The following CYB5B variants were observed in gnomAD, a reference collection of about 807,000 sequenced individuals.
CYB5B encodes cytochrome b5 type B.
In CYB5B, 14 loss-of-function variants were observed where a neutral mutation model predicts 21.3. The ratio of observed to expected loss-of-function variants is 0.66; its 90% confidence interval spans 0.43 to 1.03. CYB5B has a LOEUF of 1.03. CYB5B is among the 50% of genes least tolerant of loss of function. The pLI is 0.00. For missense variants in CYB5B, 166 were observed against 185.1 expected, an observed-to-expected ratio of 0.90 and a Z score of 0.60; for synonymous variants, 69 against 68.4, an observed-to-expected ratio of 1.01 and a Z score of -0.04.
At chr16:69,459,442 T>G (rs1247152316) in intron 4 of CYB5B, 1 of 246,126 alleles carries the variant, frequency 4.1e-6, no homozygotes, top group Admixed American at 5.4e-5. Flanking sequence ...GTCCCGAAGT[T>G]CAACCCAGCT....
In CYB5B at chr16:69,447,197, A is replaced by C. The variant is rs184627050; in HGVS notation, c.222A>C (p.Ala74=). 11 of 1,613,164 alleles carry C rather than the reference A, an allele frequency of 6.8e-6. No homozygotes were observed. Among genetic ancestry groups the C allele is most frequent in the Non-Finnish European group, 9.3e-6 (11 of 1,179,648 alleles). ...EVLLEQAGVD[A]SESFEDVGHS... Reference sequence around the variant, plus strand: ...TGCTGGAACAAGCTGGTGTAGATGCAAGTGAAAGCTTTGAAGATGTAGGAC... The same window carrying C: ...TGCTGGAACAAGCTGGTGTAGATGCCAGTGAAAGCTTTGAAGATGTAGGAC... Residue 74 remains alanine (A), a synonymous_variant, in exon 2 of 5, where the codon GCA becomes GCC. Transcript: ENST00000307892.
intron 1 of CYB5B, among the ~76,000 whole-genome samples, chr16:69,432,569 A>G (rs970587764): frequency 3.9e-5 from 6 of 152,352 alleles, no homozygotes; most frequent in East Asian, 1.9e-4. Flanking sequence ...GTACAAATAT[A>G]TACAGAAATA....
In CYB5B at chr16:69,466,019, C is replaced by T. The variant is rs2015086124; in HGVS notation, c.*3499C>T. Reference sequence around the variant, plus strand: ...TGAGCTTCAGTAGCTGCTCTTTGCCCACGCTTGTATCCTACGTTTGCTATT... The same window carrying T: ...TGAGCTTCAGTAGCTGCTCTTTGCCTACGCTTGTATCCTACGTTTGCTATT... On this transcript the variant is annotated 3_prime_UTR_variant, in exon 5 of 5. Transcript: ENST00000307892. 1.3e-5 allele frequency: 2 copies of T among 152,590 alleles called. No individual in the cohort carries two copies. Among genetic ancestry groups the T allele is most frequent in the Admixed American group, 6.5e-5 (1 of 15,288 alleles). The allele number at this position is 152,590 out of a possible 1,614,324, so 9.5% of individuals were successfully genotyped here.
chr16:69,448,485 T>A (rs1486127562), intron 3 of CYB5B: 1 of 229,058 alleles, frequency 4.4e-6, no homozygotes, highest in Non-Finnish European at 8.4e-6. Flanking sequence ...TGATAATAAT[T>A]GTTTCTGTGT....
At chr16:69,453,310 TAC>T (rs1371980332) in intron 3 of CYB5B, among the ~76,000 whole-genome samples, 1 of 152,222 alleles carries the variant, frequency 6.6e-6, no homozygotes, top group Non-Finnish European at 1.5e-5. Context: ...TTATGTAACA[TAC>T]AGTTTACTTC....
intron 3 of CYB5B, among the ~76,000 whole-genome samples, chr16:69,455,238 C>T (rs1015289754): frequency 6.6e-6 from 1 of 152,018 alleles, no homozygotes. Flanking sequence ...CTGGTTCATT[C>T]TTTCCTACAT....
chr16:69,458,740 A>G (rs925819177), intron 3 of CYB5B, among the ~76,000 whole-genome samples: 7 of 152,202 alleles, frequency 4.6e-5, no homozygotes, highest in African/African-American at 1.7e-4. Context: ...AGCTATTGCC[A>G]GTGGCAAGCC....
intron 1 of CYB5B, among the ~76,000 whole-genome samples, chr16:69,434,382 C>T (rs550720584): frequency 5.3e-5 from 8 of 152,280 alleles, no homozygotes; most frequent in Middle Eastern, 6.8e-3. Flanking sequence ...GGGCAAATAC[C>T]TAGTAGTAAA....
At chr16:69,449,165 T>G (rs1030184723) in intron 3 of CYB5B, 1 of 152,292 alleles carries the variant, frequency 6.6e-6, no homozygotes, top group Non-Finnish European at 1.5e-5. Context: ...CTGTTGGTTG[T>G]TTGTCCTCTC....
At chr16:69,452,997 C>CAAAAAA (rs71385608) in intron 3 of CYB5B, among the ~76,000 whole-genome samples, 17 of 133,278 alleles carry the variant, frequency 1.3e-4, no homozygotes, top group Non-Finnish European at 4.8e-5. Flanking sequence ...GACTCTGTCT[C>CAAAAAA]AAAAAAAAAA....
At chr16:69,453,225 G>A (rs1466016690) in intron 3 of CYB5B, among the ~76,000 whole-genome samples, 1 of 151,764 alleles carries the variant, frequency 6.6e-6, no homozygotes, top group Non-Finnish European at 1.5e-5. Context: ...TCTATTAATT[G>A]CATTTAAAGT....
At chr16:69,439,873 ATTTGTTTGT>A (rs1207524938) in intron 1 of CYB5B, among the ~76,000 whole-genome samples, 1 of 151,180 alleles carries the variant, frequency 6.6e-6, no homozygotes, top group Non-Finnish European at 1.5e-5. Context: ...CATCTTAAAC[ATTTGTTTGT>A]TTTAAAGACA....
chr16:69,459,305 C>T (rs1317437505), intron 4 of CYB5B, 184 bp downstream of exon 4: 4 of 726,342 alleles, frequency 5.5e-6, no homozygotes, highest in African/African-American at 1.8e-5. Flanking sequence ...CAGTTTCAGC[C>T]ATTTTGAATA....
At chr16:69,459,004 A>G in intron 3 of CYB5B, 89 bp from the exon 4 acceptor site, 4 of 1,260,248 alleles carry the variant, frequency 3.2e-6, no homozygotes, top group Non-Finnish European at 4.4e-6. Context: ...CAGGGTTGAC[A>G]TAGCTTGATC....
rs1478637146 is a variant in CYB5B at position 69,466,079 on chromosome 16, T to C, written c.*3559T>C. 1 of 117,286 alleles carries C rather than the reference T, an allele frequency of 8.5e-6. No individual in the cohort carries two copies. Among genetic ancestry groups the C allele is most frequent in the Admixed American group, 7.7e-5 (1 of 12,950 alleles). 7.3% of individuals were successfully genotyped at this position (117,286 alleles called of 1,614,324 possible). On this transcript the variant is annotated 3_prime_UTR_variant, in exon 5 of 5. Coordinates refer to ENST00000307892, the MANE Select transcript of CYB5B (RefSeq NM_030579.3). The stretch of plus-strand genomic sequence containing the variant: ...CATTACTTCAGTTATTTAACTTCCC[T>C]TTTTTTTTAACTTCACCTTTGACTA...
intron 1 of CYB5B, among the ~76,000 whole-genome samples, chr16:69,438,833 G>A (rs1328381420): frequency 2.6e-5 from 4 of 152,274 alleles, no homozygotes; most frequent in Non-Finnish European, 4.4e-5. Context: ...TTAGGTTACA[G>A]TTCTTTATAT....
rs191260092 is a variant in CYB5B at position 69,443,513 on chromosome 16, G to T, written c.175-3637G>T. On this transcript the variant is annotated intron_variant, in intron 1 of 4. Coordinates refer to ENST00000307892, the MANE Select transcript of CYB5B (RefSeq NM_030579.3). ...TACCAGGATGCAGAGCTCATTCAGG[G>T]TGGATCTAATGTGAGTAGTTTGATA... 5.2e-4 allele frequency: 82 copies of T among 158,366 alleles called. 2 individuals carry two copies. In the East Asian group the frequency reaches 9.0e-3, roughly 17 times the overall value. 9.8% of individuals were successfully genotyped at this position (158,366 alleles called of 1,614,324 possible).
chr16:69,439,944 T>C (rs1317928292), intron 1 of CYB5B, among the ~76,000 whole-genome samples: 2 of 151,894 alleles, frequency 1.3e-5, no homozygotes, highest in Admixed American at 6.6e-5. Context: ...TTGTAGCTCA[T>C]TGTAGCCTTG....
rs147563967 is a variant in CYB5B, at chr16:69,430,431, G to C, written c.174+5574G>C. Among the ~76,000 whole-genome samples, 186 of 152,248 alleles carry C rather than the reference G, an allele frequency of 1.2e-3. No homozygotes were observed. In the East Asian group the frequency reaches 0.014, roughly 11 times the overall value. ...AGATGGGGTTTCATCATGTTGCCCA[G>C]GCTGGCCTCAAACTCCGGGCTCAAG... is the stretch of plus-strand genomic sequence containing the variant. On this transcript the variant is annotated intron_variant, in intron 1 of 4. Transcript: ENST00000307892.
Sources: gnomAD v4.1 joint callset for allele counts (sites outside exome capture counted in the v4.1 genomes callset) on GRCh38, gnomAD v4.1.1 for gene constraint, MANE v1.5 for transcripts, NCBI Gene and HGNC (gene_info 2026-07-23, HGNC 2026-07-21) for gene names.